The following ELAVL2 variants were observed in gnomAD, a reference collection of about 807,000 sequenced individuals.
ELAVL2 encodes ELAV like RNA binding protein 2.
In ELAVL2, 4 loss-of-function variants were observed where a neutral mutation model predicts 34.6. The ratio of observed to expected loss-of-function variants is 0.12; its 90% CI spans 0.06 to 0.26. The LOEUF is 0.26. ELAVL2 is among the 10% of genes least tolerant of loss of function. The probability of loss-of-function intolerance (pLI) is 1.00; values close to 1 mark genes in which losing one functional copy is unlikely to be tolerated. For missense variants in ELAVL2, 432 were observed against 442.8 expected (o/e 0.98, Z 0.22); for synonymous variants, 193 against 154.8 (o/e 1.25, Z -1.83).
At chr9:23,760,445 G>C (rs1001004009) in intron 2 of ELAVL2, among the ~76,000 whole-genome samples, 2 of 151,890 alleles carry the variant, frequency 1.3e-5, no homozygotes, top group Middle Eastern at 6.8e-3. Context: ...ATATTAAAAA[G>C]GTTGCAAAAT....
intron 3 of ELAVL2, among the ~76,000 whole-genome samples, chr9:23,707,148 G>A (rs1038590971): frequency 2.0e-5 from 3 of 152,152 alleles, no homozygotes; most frequent in Non-Finnish European, 2.9e-5. Flanking sequence ...TGAAGACTGG[G>A]GAACTTAAAT....
chr9:23,728,426 A>G (rs1201166247), intron 3 of ELAVL2, among the ~76,000 whole-genome samples: 2 of 152,158 alleles, frequency 1.3e-5, no homozygotes, highest in Non-Finnish European at 2.9e-5. Flanking sequence ...AGATCAGCTT[A>G]CAAGTAAAGA....
chr9:23,728,899 C>A (rs376648429), intron 3 of ELAVL2, among the ~76,000 whole-genome samples: 4 of 152,018 alleles, frequency 2.6e-5, no homozygotes, highest in African/African-American at 9.7e-5. Flanking sequence ...CAAATAGGGG[C>A]GGGGAAAGAA....
At chr9:23,766,396 T>A (rs577317181) in intron 1 of ELAVL2, among the ~76,000 whole-genome samples, 3 of 152,278 alleles carry the variant, frequency 2.0e-5, no homozygotes, top group African/African-American at 7.2e-5. Context: ...TAAGACTACA[T>A]GAGCAGGACC....
chr9:23,758,748 CG>C (rs2054178190), intron 2 of ELAVL2, among the ~76,000 whole-genome samples: 1 of 151,992 alleles, frequency 6.6e-6, no homozygotes, highest in Non-Finnish European at 1.5e-5. Context: ...CAAATAAGGC[CG>C]GGGAACTATA....
intron 4 of ELAVL2, among the ~76,000 whole-genome samples, 200 bp downstream of exon 4, chr9:23,704,718 C>T (rs1466550648): frequency 6.6e-6 from 1 of 152,172 alleles, no homozygotes; most frequent in African/African-American, 2.4e-5. Flanking sequence ...GTGGAAATGA[C>T]TCAAGCACGC....
At chr9:23,765,968 A>T (rs1378701520) in intron 1 of ELAVL2, among the ~76,000 whole-genome samples, 2 of 152,316 alleles carry the variant, frequency 1.3e-5, no homozygotes, top group African/African-American at 4.8e-5. Context: ...ATTGGCACAA[A>T]AGCCAAAGTT....
rs1425743639 is a variant in ELAVL2, at chr9:23,802,470, T to C, written c.-16+23336A>G. Among the ~76,000 whole-genome samples the C allele has an allele frequency of 2.0e-5, 3 of 152,258 alleles. No individual in the cohort carries two copies. The East Asian group carries it at 5.8e-4, about 29-fold the overall frequency. ...GAAGACAATCTTACCTCCAAAGTAC[T>C]CCAATTCCACAGCTTTATTCTTAAA... On this transcript the variant is annotated intron_variant, in intron 1 of 6. Coordinates refer to ENST00000397312, the MANE Select transcript of ELAVL2 (RefSeq NM_004432.5).
At chr9:23,834,899 C>A in the ELAVL2 span, among the ~76,000 whole-genome samples, 1 of 151,928 alleles carries the variant, frequency 6.6e-6, no homozygotes, top group Non-Finnish European at 1.5e-5. Context: ...ATAAAAACAC[C>A]TTAGATTTTT....
At position 23,713,460 on chromosome 9, in the gene ELAVL2, AT is replaced by A. The variant is rs148548145; in HGVS notation, c.334-8390del. Among the ~76,000 whole-genome samples the A allele has an allele frequency of 8.5e-3, 1,293 of 152,252 alleles. 22 individuals are homozygous for A. Among genetic ancestry groups the A allele is most frequent in the African/African-American group, 0.03 (1,241 of 41,548 alleles). ...TTCCATGTTCCATTTCCAATCCTGT[AT>A]ATTTCACTTAGCCTTTTCAGACTTT... On this transcript the variant is annotated intron_variant, in intron 3 of 6. Coordinates refer to ENST00000397312, the MANE Select transcript of ELAVL2 (RefSeq NM_004432.5).
chr9:23,807,934 A>T (rs994076393), intron 1 of ELAVL2, among the ~76,000 whole-genome samples: 3 of 152,200 alleles, frequency 2.0e-5, no homozygotes, highest in Admixed American at 1.3e-4. Context: ...CATAGCTTTC[A>T]GAGTAAAAGT....
intron 1 of ELAVL2, chr9:23,821,751 C>CCCCA (rs2064796304): frequency 6.7e-6 from 1 of 149,294 alleles, no homozygotes; most frequent in African/African-American, 2.4e-5. Context: ...GGAACCCCCG[C>CCCCA]CCCACCCGCG....
intron 5 of ELAVL2, among the ~76,000 whole-genome samples, 163 bp from the exon 6 acceptor site, chr9:23,693,649 C>T (rs554912019): frequency 9.2e-5 from 14 of 152,170 alleles, no homozygotes; most frequent in African/African-American, 2.4e-4. Context: ...TAATGGGCAC[C>T]GACTGCCACA....
intron 1 of ELAVL2, chr9:23,765,136 G>C: frequency 6.4e-7 from 1 of 1,550,414 alleles, no homozygotes; most frequent in South Asian, 1.2e-5. Flanking sequence ...TATGTTAGAT[G>C]AGCAAGATAA....
At chr9:23,753,421 A>T (rs1038156650) in intron 2 of ELAVL2, among the ~76,000 whole-genome samples, 3 of 151,738 alleles carry the variant, frequency 2.0e-5, no homozygotes, top group African/African-American at 7.3e-5. Flanking sequence ...AATTTAAACA[A>T]AGTTAAAAAA....
intron 1 of ELAVL2, among the ~76,000 whole-genome samples, chr9:23,806,204 G>GT (rs780766592): frequency 1.3e-5 from 2 of 152,008 alleles, no homozygotes; most frequent in Non-Finnish European, 2.9e-5. Flanking sequence ...GGTTAAATAT[G>GT]TAAGTTATAC....
At chr9:23,782,687 G>A (rs3793589) in intron 1 of ELAVL2, among the ~76,000 whole-genome samples, 4,498 of 152,252 alleles carry the variant, frequency 0.03, 86 homozygotes, top group East Asian at 0.075. Flanking sequence ...GACAATTAGC[G>A]TACGTTCCAT....
chr9:23,824,958 T>G (rs1054004611), intron 1 of ELAVL2, among the ~76,000 whole-genome samples: 2 of 152,088 alleles, frequency 1.3e-5, no homozygotes, highest in African/African-American at 4.8e-5. Flanking sequence ...GTCAGCCGCG[T>G]AGGACCAAGG....
At chr9:23,773,414 T>TGAC (rs748885980) in intron 1 of ELAVL2, among the ~76,000 whole-genome samples, 11 of 152,154 alleles carry the variant, frequency 7.2e-5, no homozygotes, top group South Asian at 2.1e-4. Flanking sequence ...ACTCCTACTT[T>TGAC]TGTCAGACTT....
Sources: gnomAD v4.1 joint callset for allele counts (sites outside exome capture counted in the v4.1 genomes callset) on GRCh38, gnomAD v4.1.1 for gene constraint, MANE v1.5 for transcripts, NCBI Gene and HGNC (gene_info 2026-07-23, HGNC 2026-07-21) for gene names.